The following COL22A1 variants were observed in gnomAD, a reference collection of about 807,000 sequenced individuals.
COL22A1 encodes collagen alpha-1(XXII) chain.
In COL22A1, 221 loss-of-function variants were observed where a neutral mutation model predicts 248.9. That is an observed-to-expected ratio of 0.89 (90% CI 0.80 to 0.99). The LOEUF (loss-of-function observed/expected upper bound fraction) is 0.99, where lower values mean the gene tolerates loss of function less well. Ranked by LOEUF, COL22A1 falls within the 50% of genes least tolerant of loss-of-function variation. COL22A1 has a pLI of 0.00. For missense variants in COL22A1, 2,240 were observed against 2,179.0 expected, an observed-to-expected ratio of 1.03 and a Z score of -0.56; for synonymous variants, 891 against 793.4, an observed-to-expected ratio of 1.12 and a Z score of -2.07.
At chr8:138,901,515 T>TA (rs753706345) in intron 1 of COL22A1, among the ~76,000 whole-genome samples, 70 of 151,982 alleles carry the variant, frequency 4.6e-4, no homozygotes, top group Non-Finnish European at 8.4e-4. Context: ...TACAGGTACA[T>TA]ACCACCATGC....
intron 45 of COL22A1, among the ~76,000 whole-genome samples, chr8:138,654,213 T>C (rs1357816982): frequency 6.6e-6 from 1 of 152,088 alleles, no homozygotes; most frequent in Admixed American, 6.6e-5. Context: ...ACCTAGCTCC[T>C]TCTAGAGTGA....
chr8:138,697,934 G>A (rs1827643680), intron 32 of COL22A1, among the ~76,000 whole-genome samples: 1 of 152,238 alleles, frequency 6.6e-6, no homozygotes, highest in South Asian at 2.1e-4. Flanking sequence ...GCATCTGAGA[G>A]TGGCTTCCTG....
chr8:138,689,873 C>T (rs138354109), intron 36 of COL22A1, among the ~76,000 whole-genome samples: 5 of 152,290 alleles, frequency 3.3e-5, no homozygotes, highest in African/African-American at 1.2e-4. Context: ...AGCTATTCTG[C>T]TGGTGGTGCT....
In COL22A1 at chr8:138,805,804, CTG is replaced by C. The variant is rs778109919; in HGVS notation, c.1494+1962_1494+1963del. Among the ~76,000 whole-genome samples, 70 of 54,922 alleles carry C rather than the reference CTG, an allele frequency of 1.3e-3. 1 individual carries two copies. Among genetic ancestry groups the C allele is most frequent in the Admixed American group, 3.4e-3 (21 of 6,202 alleles). 36.0% of individuals were successfully genotyped at this position (54,922 alleles called of 152,430 possible). ...GGTGATGGTGCGTGATGGTGTGTGT[CTG>C]TATGTGTGATGGTGTGTGTGTTTTT... On this transcript the variant is annotated intron_variant, in intron 10 of 64. Transcript: ENST00000303045.
intron 59 of COL22A1, 139 bp from the exon 60 acceptor site, chr8:138,602,298 G>T: frequency 2.0e-3 from 1,382 of 689,390 alleles, no homozygotes; most frequent in Non-Finnish European, 2.2e-3. Context: ...GCTCCTTTCT[G>T]ATTTATGCCT....
rs1050028406 is a variant in COL22A1, at chr8:138,623,853, T to C, written c.3718-68A>G. Reference sequence around the variant, plus strand: ...CGAGGGGATGGAAAGACGAAGGCAGTTTCAGCATGTCTTCCTGCCCAGCTT... The same window carrying C: ...CGAGGGGATGGAAAGACGAAGGCAGCTTCAGCATGTCTTCCTGCCCAGCTT... On this transcript the variant is annotated intron_variant, in intron 51 of 64. Coordinates refer to ENST00000303045, the MANE Select transcript of COL22A1 (RefSeq NM_152888.3). The C allele has an allele frequency of 5.0e-6, 7 of 1,403,838 alleles. No homozygotes were observed. The African/African-American group carries it at 1.0e-4, about 20-fold the overall frequency. The allele number at this position is 1,403,838 out of a possible 1,614,324, so 87.0% of individuals were successfully genotyped here.
chr8:138,646,688 T>C lies in COL22A1; in HGVS notation c.3448-6A>G. 6.4e-7 allele frequency: 1 copy of C among 1,565,846 alleles called. No individual in the cohort carries two copies. The highest frequency in any genetic ancestry group is 8.7e-7 in the Non-Finnish European group (1 of 1,154,310). On this transcript the variant is annotated splice_polypyrimidine_tract_variant and splice_region_variant and intron_variant, in intron 46 of 64. Transcript: ENST00000303045. ...CCTGGAGGCCCAGCCTCTCCCTGTA[T>C]CAGGGATACAAGAAAAAAAAAGAAA...
rs71518485 is a variant in COL22A1, at chr8:138,809,528, C to CTTTTTTTTTTTTTTTTTTTTTT, written c.1450-1717_1450-1716insAAAAAAAAAAAAAAAAAAAAAA. On this transcript the variant is annotated intron_variant, in intron 9 of 64. Transcript: ENST00000303045. ...TTTCTTCTTCTCTTTTTTTCTTTTT[C>CTTTTTTTTTTTTTTTTTTTTTT]TTTTTTTTTTGAGACAGAGTCTCAC... Among the ~76,000 whole-genome samples, 63 of 117,644 alleles carry CTTTTTTTTTTTTTTTTTTTTTT rather than the reference C, an allele frequency of 5.4e-4. 3 individuals carry two copies. The highest frequency in any genetic ancestry group is 9.6e-4 in the African/African-American group (29 of 30,162). 77.2% of individuals were successfully genotyped at this position (117,644 alleles called of 152,430 possible).
intron 23 of COL22A1, among the ~76,000 whole-genome samples, chr8:138,734,759 A>G (rs975121094): frequency 6.6e-6 from 1 of 152,246 alleles, no homozygotes; most frequent in African/African-American, 2.4e-5. Context: ...ACAATAGCAA[A>G]GACTTGGAAC....
At chr8:138,624,133 G>A (rs1820058428) in intron 51 of COL22A1, among the ~76,000 whole-genome samples, 1 of 152,088 alleles carries the variant, frequency 6.6e-6, no homozygotes, top group Non-Finnish European at 1.5e-5. Context: ...GGGCCTCTTG[G>A]GTGAGCACAG....
rs1476853958 is a variant in COL22A1, at chr8:138,779,521, C to T, written c.1692G>A (p.Glu564=). ...CAGCAACACTCACCCGCATGCCGAC[C>T]TCACCCGGCAGCCCCGGCTCTCCCA... ...GELGEPGLPG[E]VGMRGPQGPP... The change falls in exon 14 of 65, where the codon GAG becomes GAA. Residue 564 remains glutamate (E), a synonymous_variant. Transcript: ENST00000303045. 10 of 1,612,708 alleles carry T rather than the reference C, an allele frequency of 6.2e-6. No homozygotes were observed. The highest frequency in any genetic ancestry group is 8.5e-6 in the Non-Finnish European group (10 of 1,178,854).
rs372472534 is a variant in COL22A1, at chr8:138,830,637, G to A, written c.845+2402C>T. Among the ~76,000 whole-genome samples the A allele has an allele frequency of 3.3e-5, 5 of 152,242 alleles. No homozygotes were observed. The East Asian group carries it at 7.7e-4, about 23-fold the overall frequency. ...TGCTGTGTTCCACAGAGCATTGCCT[G>A]AATTCGGCCGCTTTGCTCTTTGATG... On this transcript the variant is annotated intron_variant, in intron 5 of 64. Coordinates refer to ENST00000303045, the MANE Select transcript of COL22A1 (RefSeq NM_152888.3).
chr8:138,651,389 A>C (rs1204816682), intron 45 of COL22A1, among the ~76,000 whole-genome samples: 1 of 152,198 alleles, frequency 6.6e-6, no homozygotes, highest in Admixed American at 6.5e-5. Context: ...GAGTGCTATA[A>C]ATGAATGAAT....
At chr8:138,850,606 G>T (rs1460351135) in intron 3 of COL22A1, among the ~76,000 whole-genome samples, 4 of 152,144 alleles carry the variant, frequency 2.6e-5, no homozygotes, top group Non-Finnish European at 4.4e-5. Context: ...ACAAGGTAAG[G>T]GCCTGCCAGG....
rs1817192972 is a variant in COL22A1 at position 138,592,777 on chromosome 8, T to C, written c.4615+1240A>G. 3.3e-5 allele frequency among the ~76,000 whole-genome samples: 5 copies of C among 152,216 alleles called. No homozygotes were observed. In the South Asian group the frequency reaches 8.3e-4, roughly 25 times the overall value. On this transcript the variant is annotated intron_variant, in intron 63 of 64. Transcript: ENST00000303045. ...ATTATGGGGCTGGTCTCCTGTCTTTTATCTTTATTTGAAATTGCCTTATTC... is the reference window on the plus strand; with the variant it reads ...ATTATGGGGCTGGTCTCCTGTCTTTCATCTTTATTTGAAATTGCCTTATTC...
rs1371111524 is a variant in COL22A1, at chr8:138,776,015, G to C, written c.1759-5C>G. ...ACCTCGTTCTCCTTGGAGACCCTGG[G>C]GGACAAAGAAAGAGCAGTGACCCAA... On this transcript the variant is annotated splice_region_variant and splice_polypyrimidine_tract_variant and intron_variant, in intron 15 of 64. Transcript: ENST00000303045. The C allele has an allele frequency of 6.2e-7, 1 of 1,614,052 alleles. No homozygotes were observed.
chr8:138,847,812 A>C (rs545648175), intron 3 of COL22A1, among the ~76,000 whole-genome samples: 1 of 152,160 alleles, frequency 6.6e-6, no homozygotes, highest in East Asian at 1.9e-4. Context: ...AAAAAAAAAA[A>C]AAACTTCTAT....
At chr8:138,591,098 A>G (rs1237735720) in intron 64 of COL22A1, among the ~76,000 whole-genome samples, 1 of 152,210 alleles carries the variant, frequency 6.6e-6, no homozygotes, top group African/African-American at 2.4e-5. Context: ...TGCACCAGAA[A>G]TGTCTGAAAG....
At chr8:138,691,846 G>GTA (rs1564200219) in intron 35 of COL22A1, among the ~76,000 whole-genome samples, 2 of 66,464 alleles carry the variant, frequency 3.0e-5, no homozygotes, top group Non-Finnish European at 6.7e-5. Context: ...ATGTGGAGGT[G>GTA]TGTGTGCACG....
Sources: gnomAD v4.1 joint callset for allele counts (sites outside exome capture counted in the v4.1 genomes callset) on GRCh38, gnomAD v4.1.1 for gene constraint, MANE v1.5 for transcripts, NCBI Gene and HGNC (gene_info 2026-07-23, HGNC 2026-07-21) for gene names.